DMD: variants seen among roughly 807,000 people sequenced by gnomAD.
DMD encodes the protein dystrophin.
In DMD, 63 loss-of-function variants were observed where a neutral mutation model predicts 330.1. The ratio of observed to expected loss-of-function variants is 0.19; its 90% CI spans 0.16 to 0.24. DMD has a LOEUF of 0.24. DMD is among the 10% of genes least tolerant of loss of function. The pLI, the probability that DMD is intolerant of heterozygous loss-of-function variation, is 1.00. For missense variants in DMD, 3,344 were observed against 2,684.1 expected (o/e 1.25, Z -5.43); for synonymous variants, 1,223 against 959.8 (o/e 1.27, Z -5.07).
chrX:32,182,367 C>A (rs2096930066), intron 44 of DMD, among the ~76,000 whole-genome samples: 1 of 111,722 alleles, frequency 9.0e-6, no homozygotes, highest in Non-Finnish European at 1.9e-5. Flanking sequence ...TACAGAAATA[C>A]TTTACAGCCT....
intron 53 of DMD, among the ~76,000 whole-genome samples, chrX:31,668,526 T>C (rs1457207459): frequency 9.0e-6 from 1 of 111,295 alleles, no homozygotes; most frequent in East Asian, 2.8e-4. Flanking sequence ...GGTACATGTA[T>C]GTTCTGATAT....
intron 48 of DMD, among the ~76,000 whole-genome samples, chrX:31,872,412 C>T (rs971621571): frequency 7.2e-5 from 8 of 111,448 alleles, no homozygotes; most frequent in Admixed American, 5.7e-4. Flanking sequence ...CATAGACAAT[C>T]GAAGACACAA....
chrX:32,629,208 A>G (rs1335830495), intron 11 of DMD, among the ~76,000 whole-genome samples: 1 of 111,616 alleles, frequency 9.0e-6, no homozygotes, highest in African/African-American at 3.3e-5. Context: ...TGTTGGGTAC[A>G]TATTTATTTA....
chrX:32,186,045 G>A (rs1375852492), intron 44 of DMD, among the ~76,000 whole-genome samples: 1 of 110,626 alleles, frequency 9.0e-6, no homozygotes, highest in African/African-American at 3.3e-5. Flanking sequence ...ACCTCAGAAG[G>A]CAAGTAAACT....
rs111965628 is a variant in DMD at position 32,589,081 on chromosome X, T to C, written c.1602+6676A>G. 3.9e-3 allele frequency among the ~76,000 whole-genome samples: 439 copies of C among 111,806 alleles called. 4 individuals are homozygous for C. Among genetic ancestry groups the C allele is most frequent in the African/African-American group, 0.013 (412 of 30,766 alleles). On this transcript the variant is annotated intron_variant, in intron 13 of 78. Transcript: ENST00000357033. The stretch of plus-strand genomic sequence containing the variant: ...TACCAACTTCTGTCTGCTTCTGATA[T>C]TATGACATTTTGAAAAACCATAGAG...
At chrX:31,957,041 T>C (rs1482969342) in intron 45 of DMD, among the ~76,000 whole-genome samples, 2 of 111,698 alleles carry the variant, frequency 1.8e-5, no homozygotes, top group Admixed American at 1.9e-4. Context: ...TTACATCTAG[T>C]GTATGGGGGC....
intron 62 of DMD, among the ~76,000 whole-genome samples, chrX:31,317,788 G>A (rs1404068754): frequency 3.6e-5 from 4 of 111,670 alleles, no homozygotes; most frequent in Non-Finnish European, 7.5e-5. Flanking sequence ...TGGGATTACA[G>A]GCGTGAGCCA....
chrX:32,574,665 A>C (rs1448451842), intron 13 of DMD, among the ~76,000 whole-genome samples: 1 of 111,525 alleles, frequency 9.0e-6, no homozygotes, highest in Non-Finnish European at 1.9e-5. Flanking sequence ...TTTCTCATAT[A>C]TATATTGGAC....
At chrX:33,192,613 A>G (rs1489329301) in intron 1 of DMD, among the ~76,000 whole-genome samples, 1 of 112,348 alleles carries the variant, frequency 8.9e-6, no homozygotes, top group East Asian at 2.8e-4. Context: ...CTAAAATTTC[A>G]TCAGTTTTCA....
chrX:32,024,947 GT>G (rs1046526983), intron 44 of DMD, among the ~76,000 whole-genome samples: 2 of 111,674 alleles, frequency 1.8e-5, no homozygotes, highest in African/African-American at 6.5e-5. Flanking sequence ...TGGTTGCAAA[GT>G]TTTTTTCTTC....
intron 4 of DMD, among the ~76,000 whole-genome samples, chrX:32,843,967 G>A (rs1423214316): frequency 8.9e-6 from 1 of 112,415 alleles, no homozygotes; most frequent in East Asian, 2.8e-4. Context: ...AAATAGTGAT[G>A]TTTCTGTATA....
intron 9 of DMD, among the ~76,000 whole-genome samples, chrX:32,678,693 T>C (rs1383520567): frequency 8.9e-6 from 1 of 111,769 alleles, no homozygotes; most frequent in Non-Finnish European, 1.9e-5. Flanking sequence ...GTCAGAGTTA[T>C]ATTATCTTTC....
chrX:32,556,614 A>T (rs2050334632), intron 16 of DMD, among the ~76,000 whole-genome samples: 1 of 112,079 alleles, frequency 8.9e-6, no homozygotes, highest in African/African-American at 3.2e-5. Context: ...ACACCAAGGA[A>T]TACTATAATG....
At chrX:32,612,380 A>T (rs1367081626) in intron 12 of DMD, among the ~76,000 whole-genome samples, 1 of 111,916 alleles carries the variant, frequency 8.9e-6, no homozygotes, top group East Asian at 2.8e-4. Context: ...AACCTTGTCC[A>T]ATCCATGACC....
At chrX:33,095,983 T>TG in intron 1 of DMD, among the ~76,000 whole-genome samples, 1 of 85,278 alleles carries the variant, frequency 1.2e-5, no homozygotes, top group Non-Finnish European at 2.3e-5. Flanking sequence ...TTTTTTTTTT[T>TG]TTTTTTTTTG....
chrX:33,188,403 C>T (rs368729127), intron 1 of DMD, among the ~76,000 whole-genome samples: 2 of 110,636 alleles, frequency 1.8e-5, no homozygotes, highest in South Asian at 3.9e-4. Context: ...GTTCTTTTGC[C>T]CTCTGGTACT....
intron 55 of DMD, among the ~76,000 whole-genome samples, chrX:31,513,308 C>A (rs900944991): frequency 1.2e-4 from 12 of 103,535 alleles, no homozygotes; most frequent in Non-Finnish European, 2.0e-4. Context: ...TCCTCTTTTC[C>A]TAATTGAATA....
chrX:32,839,256 T>G (rs922125206), intron 4 of DMD, among the ~76,000 whole-genome samples: 4 of 111,053 alleles, frequency 3.6e-5, no homozygotes, highest in African/African-American at 9.8e-5. Context: ...CTTTTTCACC[T>G]TAAGGTCTTT....
chrX:32,671,079 C>A (rs999705365), intron 9 of DMD, among the ~76,000 whole-genome samples: 1 of 110,859 alleles, frequency 9.0e-6, no homozygotes, highest in South Asian at 3.9e-4. Flanking sequence ...AGAATATATA[C>A]TCAGCTACAA....
Sources: allele counts gnomAD v4.1 joint callset (sites outside exome capture counted in the v4.1 genomes callset), GRCh38; gene constraint gnomAD v4.1.1; transcripts MANE v1.5; gene names NCBI Gene and HGNC (gene_info 2026-07-23, HGNC 2026-07-21).